The following DNAJC1 variants were observed in gnomAD, a reference collection of about 807,000 sequenced individuals.
DNAJC1 encodes the protein DnaJ heat shock protein family (Hsp40) member C1.
A neutral mutation model predicts 76.6 loss-of-function variants in DNAJC1; 58 were observed. The observed-to-expected ratio is 0.76, with a 90% CI of 0.61 to 0.94. DNAJC1 has a LOEUF of 0.94. DNAJC1 is among the 40% of genes least tolerant of loss of function. The pLI is 0.00. For missense variants in DNAJC1, 689 were observed against 677.3 expected, an observed-to-expected ratio of 1.02 and a Z score of -0.19; for synonymous variants, 258 against 267.9, an observed-to-expected ratio of 0.96 and a Z score of 0.36.
chr10:21,785,027 G>C (rs1019763180), intron 9 of DNAJC1, among the ~76,000 whole-genome samples: 2 of 152,016 alleles, frequency 1.3e-5, no homozygotes, highest in East Asian at 3.9e-4. Flanking sequence ...TTGTGCACAT[G>C]TACCCTAGAA....
intron 1 of DNAJC1, among the ~76,000 whole-genome samples, chr10:21,948,351 C>A (rs1342499088): frequency 6.6e-6 from 1 of 152,072 alleles, no homozygotes; most frequent in Non-Finnish European, 1.5e-5. Context: ...AATCATTGCA[C>A]AAAATAATTT....
At chr10:21,973,789 T>A (rs71491907) in intron 1 of DNAJC1, among the ~76,000 whole-genome samples, 2 of 151,046 alleles carry the variant, frequency 1.3e-5, no homozygotes, top group African/African-American at 4.9e-5. Flanking sequence ...GATCTGGAGA[T>A]GAAAGTTTCT....
At chr10:21,778,583 GA>G (rs1367952063) in intron 9 of DNAJC1, among the ~76,000 whole-genome samples, 2 of 152,146 alleles carry the variant, frequency 1.3e-5, no homozygotes, top group Admixed American at 6.5e-5. Flanking sequence ...AGATTAATTA[GA>G]ACTGTACTTA....
intron 8 of DNAJC1, among the ~76,000 whole-genome samples, chr10:21,847,815 T>C (rs987554842): frequency 1.3e-5 from 2 of 152,138 alleles, no homozygotes; most frequent in East Asian, 1.9e-4. Flanking sequence ...TGTGTGTCCA[T>C]ATATATATGG....
intron 7 of DNAJC1, among the ~76,000 whole-genome samples, chr10:21,901,530 A>G (rs1034664732): frequency 2.6e-5 from 4 of 152,168 alleles, no homozygotes; most frequent in African/African-American, 9.7e-5. Context: ...AAGTGCCCCA[A>G]ATTTCCCAAA....
chr10:21,923,166 C>T (rs536141951), intron 3 of DNAJC1, among the ~76,000 whole-genome samples: 1 of 152,072 alleles, frequency 6.6e-6, no homozygotes, highest in South Asian at 2.1e-4. Flanking sequence ...CTATGTCTGT[C>T]ACTCTAAACA....
chr10:21,933,917 T>C (rs1837268645), intron 1 of DNAJC1, among the ~76,000 whole-genome samples: 1 of 152,164 alleles, frequency 6.6e-6, no homozygotes, highest in Non-Finnish European at 1.5e-5. Flanking sequence ...GTATTGTACA[T>C]AATATTTGAT....
intron 8 of DNAJC1, among the ~76,000 whole-genome samples, chr10:21,816,387 T>C (rs947163508): frequency 1.3e-5 from 2 of 151,648 alleles, no homozygotes; most frequent in African/African-American, 4.8e-5. Context: ...CTTTTTCCTT[T>C]TGGATTGCCT....
intron 1 of DNAJC1, among the ~76,000 whole-genome samples, chr10:21,983,705 A>G (rs1234562143): frequency 1.4e-5 from 2 of 141,274 alleles, no homozygotes; most frequent in African/African-American, 2.7e-5. Flanking sequence ...GGGGCAACAG[A>G]GCGAGATTCT....
chr10:21,758,607 G>A (rs921400773), intron 11 of DNAJC1, among the ~76,000 whole-genome samples: 2 of 152,326 alleles, frequency 1.3e-5, no homozygotes, highest in African/African-American at 2.4e-5. Context: ...GACCACATAC[G>A]GAGATGGCCT....
At chr10:21,982,271 T>A in intron 1 of DNAJC1, among the ~76,000 whole-genome samples, 1 of 152,170 alleles carries the variant, frequency 6.6e-6, no homozygotes, top group Non-Finnish European at 1.5e-5. Context: ...GATCAAGGAC[T>A]AACATAGGAG....
intron 8 of DNAJC1, among the ~76,000 whole-genome samples, chr10:21,845,511 T>G (rs1835643679): frequency 6.6e-6 from 1 of 151,974 alleles, no homozygotes; most frequent in South Asian, 2.1e-4. Flanking sequence ...TGTGCCACCA[T>G]GCCCGGCTAA....
intron 8 of DNAJC1, among the ~76,000 whole-genome samples, chr10:21,842,598 T>C (rs950471833): frequency 2.0e-5 from 3 of 152,214 alleles, no homozygotes; most frequent in Admixed American, 6.5e-5. Flanking sequence ...TAGATAGCTA[T>C]AAAGAATAGG....
At chr10:21,931,387 C>G (rs1837220516) in intron 1 of DNAJC1, among the ~76,000 whole-genome samples, 1 of 152,198 alleles carries the variant, frequency 6.6e-6, no homozygotes, top group African/African-American at 2.4e-5. Flanking sequence ...CCAATAAATT[C>G]TACCTCAAGT....
intron 7 of DNAJC1, among the ~76,000 whole-genome samples, chr10:21,887,402 T>G (rs1218791695): frequency 6.6e-6 from 1 of 151,940 alleles, no homozygotes; most frequent in African/African-American, 2.4e-5. Flanking sequence ...AAAATTCATA[T>G]GAAATGAAAA....
chr10:21,775,689 T>C (rs976668686), intron 9 of DNAJC1, among the ~76,000 whole-genome samples: 1 of 152,202 alleles, frequency 6.6e-6, no homozygotes, highest in African/African-American at 2.4e-5. Flanking sequence ...TTTTCTCAAA[T>C]AGTACATAAT....
At chr10:21,862,006 C>A (rs1275993177) in intron 8 of DNAJC1, among the ~76,000 whole-genome samples, 3 of 152,082 alleles carry the variant, frequency 2.0e-5, no homozygotes, top group African/African-American at 7.2e-5. Context: ...ACAACCTCCA[C>A]CTCCCAGGTT....
intron 8 of DNAJC1, among the ~76,000 whole-genome samples, chr10:21,833,106 A>G (rs868630464): frequency 8.3e-4 from 126 of 152,348 alleles, no homozygotes; most frequent in African/African-American, 2.9e-3. Context: ...CTCACAAAGT[A>G]CACCTCAAAA....
rs560426864 is a variant in DNAJC1, at chr10:21,876,197, G to A, written c.978+6085C>T. ...ATGATCTCTGCTCACTGCAACCTCC[G>A]ATTCCTGGGTTCAAGAGATTCTCCT... On this transcript the variant is annotated intron_variant, in intron 8 of 11. Coordinates refer to ENST00000376980, the MANE Select transcript of DNAJC1 (RefSeq NM_022365.4). Among the ~76,000 whole-genome samples, 68 of 150,946 alleles carry A rather than the reference G, an allele frequency of 4.5e-4. No homozygotes were observed. The Middle Eastern group carries it at 0.01, about 23-fold the overall frequency.
Sources: allele counts gnomAD v4.1 joint callset (sites outside exome capture counted in the v4.1 genomes callset), GRCh38; gene constraint gnomAD v4.1.1; transcripts MANE v1.5; gene names NCBI Gene and HGNC (gene_info 2026-07-23, HGNC 2026-07-21).